Variants in ERG observed in about 807,000 individuals in gnomAD.
ERG encodes transcriptional regulator ERG.
A neutral mutation model predicts 55.3 loss-of-function variants in ERG; 9 were observed. The observed-to-expected ratio is 0.16, with a 90% CI of 0.10 to 0.28. ERG has a LOEUF of 0.28. ERG is among the 10% of genes least tolerant of loss of function. The pLI, the probability that ERG is intolerant of heterozygous loss-of-function variation, is 1.00. For synonymous variants in ERG, 223 were observed against 237.3 expected, an observed-to-expected ratio of 0.94 and a Z score of 0.55; for missense variants, 434 against 631.6, an observed-to-expected ratio of 0.69 and a Z score of 3.35.
chr21:38,368,823 T>C, the ERG span, among the ~76,000 whole-genome samples: 1 of 152,164 alleles, frequency 6.6e-6, no homozygotes, highest in Non-Finnish European at 1.5e-5. Context: ...TGCGTCCATG[T>C]ATTCTCATCA....
chr21:38,479,043 T>C (rs1380632794), intron 1 of ERG, among the ~76,000 whole-genome samples: 1 of 152,234 alleles, frequency 6.6e-6, no homozygotes, highest in Non-Finnish European at 1.5e-5. Context: ...AACATCATAC[T>C]CAGTATCTTG....
At chr21:38,633,586 G>A (rs2060370250) in intron 1 of ERG, among the ~76,000 whole-genome samples, 1 of 151,758 alleles carries the variant, frequency 6.6e-6, no homozygotes, top group African/African-American at 2.4e-5. Flanking sequence ...TGTTTGGTTG[G>A]GTGCCTTTTT....
chr21:38,549,304 G>A (rs1368298503), intron 2 of ERG, among the ~76,000 whole-genome samples: 1 of 152,090 alleles, frequency 6.6e-6, no homozygotes, highest in African/African-American at 2.4e-5. Flanking sequence ...AGAGTATAGA[G>A]AAGTTCAGAA....
intron 9 of ERG, among the ~76,000 whole-genome samples, chr21:38,384,170 G>A (rs968931549): frequency 5.3e-5 from 8 of 152,210 alleles, no homozygotes; most frequent in African/African-American, 1.4e-4. Flanking sequence ...CCCACAGCTG[G>A]GTGGACTGAA....
intron 2 of ERG, among the ~76,000 whole-genome samples, chr21:38,431,996 C>T (rs1448837361): frequency 6.6e-6 from 1 of 152,096 alleles, no homozygotes; most frequent in African/African-American, 2.4e-5. Flanking sequence ...AATGCAAAAA[C>T]ATGAAAAAAA....
intron 1 of ERG, among the ~76,000 whole-genome samples, chr21:38,594,160 G>A (rs550732614): frequency 1.3e-5 from 2 of 152,278 alleles, no homozygotes; most frequent in South Asian, 4.1e-4. Context: ...GATGGGTACT[G>A]AGCCACCAGG....
At chr21:38,547,450 A>G (rs1354568798) in intron 2 of ERG, among the ~76,000 whole-genome samples, 2 of 152,204 alleles carry the variant, frequency 1.3e-5, no homozygotes, top group Non-Finnish European at 2.9e-5. Context: ...CTCACAAGAC[A>G]AGAGGGAACG....
intron 2 of ERG, among the ~76,000 whole-genome samples, chr21:38,539,561 G>C (rs1459359560): frequency 6.6e-6 from 1 of 152,140 alleles, no homozygotes; most frequent in African/African-American, 2.4e-5. Context: ...TTTTAAGCAT[G>C]AGAAGACAGA....
chr21:38,478,237 G>A (rs1409008787), intron 1 of ERG, among the ~76,000 whole-genome samples: 1 of 152,236 alleles, frequency 6.6e-6, no homozygotes, highest in Non-Finnish European at 1.5e-5. Context: ...CTGGCAACAG[G>A]TCTTGTTTTC....
intron 1 of ERG, among the ~76,000 whole-genome samples, chr21:38,646,036 T>C (rs2060454035): frequency 6.6e-6 from 1 of 152,078 alleles, no homozygotes; most frequent in Admixed American, 6.6e-5. Context: ...CCCAACACTC[T>C]GAGAGGCCAA....
intron 2 of ERG, among the ~76,000 whole-genome samples, chr21:38,547,387 AT>A (rs1193584845): frequency 1.1e-4 from 16 of 152,148 alleles, no homozygotes; most frequent in Middle Eastern, 3.2e-3. Context: ...CCATATGGAT[AT>A]TTACAAACCC....
chr21:38,624,762 A>C (rs1400988893), intron 1 of ERG, among the ~76,000 whole-genome samples: 1 of 152,242 alleles, frequency 6.6e-6, no homozygotes, highest in African/African-American at 2.4e-5. Flanking sequence ...GTGGTAGGGA[A>C]TAGATATTTT....
chr21:38,423,508 G>T lies in ERG; in HGVS notation c.290C>A (p.Pro97Gln), dbSNP rs1989648312. The T allele has an allele frequency of 6.2e-7, 1 of 1,614,124 alleles. No homozygotes were observed. The highest frequency in any genetic ancestry group is 1.3e-5 in the African/African-American group (1 of 75,034). The change falls in exon 3 of 10, where the codon CCA becomes CAA. Residue 97 changes from proline (P) to glutamine (Q), a missense_variant. By Grantham distance (76) the Pro-to-Gln change is moderately conservative. Transcript: ENST00000288319. ...VAKGGKMVGS[P>Q]DTVGMNYGSY... ...GCCGTAGTTCATCCCAACGGTGTCTGGGCTGCCCACCATCTTCCCGCCTTT... is the reference window on the plus strand; with the variant it reads ...GCCGTAGTTCATCCCAACGGTGTCTTGGCTGCCCACCATCTTCCCGCCTTT...
At chr21:38,429,693 A>G (rs895638444) in intron 2 of ERG, among the ~76,000 whole-genome samples, 1 of 145,168 alleles carries the variant, frequency 6.9e-6, no homozygotes, top group Non-Finnish European at 1.5e-5. Flanking sequence ...ATATGTGTGT[A>G]TACATGTATA....
chr21:38,426,718 G>A (rs368266660), intron 2 of ERG, among the ~76,000 whole-genome samples: 11 of 151,980 alleles, frequency 7.2e-5, no homozygotes, highest in Non-Finnish European at 1.6e-4. Flanking sequence ...ATCACCTGAG[G>A]TCGGGAGTTT....
chr21:38,621,929 C>T (rs1286062413), intron 1 of ERG, among the ~76,000 whole-genome samples: 3 of 152,208 alleles, frequency 2.0e-5, no homozygotes, highest in Non-Finnish European at 2.9e-5. Context: ...TCTGAGTACA[C>T]AAGGTGCGAA....
intron 3 of ERG, 40 bp downstream of exon 3, chr21:38,423,370 T>C: frequency 6.3e-7 from 1 of 1,584,626 alleles, no homozygotes; most frequent in Non-Finnish European, 8.6e-7. Context: ...CTTGGGGAAG[T>C]TGCGATCTGC....
chr21:38,513,970 A>C (rs894682915), intron 2 of ERG, among the ~76,000 whole-genome samples: 1 of 152,098 alleles, frequency 6.6e-6, no homozygotes, highest in Non-Finnish European at 1.5e-5. Context: ...TGCTGTAGAC[A>C]TTGGAAGGAT....
chr21:38,451,272 T>C (rs1315999893), intron 1 of ERG: 15 of 479,888 alleles, frequency 3.1e-5, no homozygotes, highest in Admixed American at 8.8e-5. Context: ...AGGTATACCA[T>C]GCTCTTCTAT....
Sources: allele counts gnomAD v4.1 joint callset (sites outside exome capture counted in the v4.1 genomes callset), GRCh38; gene constraint gnomAD v4.1.1; transcripts MANE v1.5; gene names NCBI Gene and HGNC (gene_info 2026-07-23, HGNC 2026-07-21).